ABHD12: variants seen among roughly 807,000 people sequenced by gnomAD.
ABHD12 encodes the protein lysophosphatidylserine lipase ABHD12.
Under a neutral mutation model 58.3 loss-of-function variants are expected in ABHD12, and 43 were observed. That is an observed-to-expected ratio of 0.74 (90% CI 0.58 to 0.95). ABHD12 has a LOEUF of 0.95. ABHD12 is among the 40% of genes least tolerant of loss of function. The pLI is 0.00. For synonymous variants in ABHD12, 219 were observed against 211.2 expected (o/e 1.04, Z -0.32); for missense variants, 539 against 537.2 (o/e 1.00, Z -0.03).
intron 1 of ABHD12, among the ~76,000 whole-genome samples, chr20:25,369,162 G>A (rs1017538382): frequency 6.6e-6 from 1 of 151,990 alleles, no homozygotes; most frequent in Admixed American, 6.6e-5. Flanking sequence ...GTGTGAGGTG[G>A]TATCTCATTG....
At chr20:25,299,194 C>T (rs141214522), downstream of ABHD12, among the ~76,000 whole-genome samples, 857 of 152,254 alleles carry the variant, frequency 5.6e-3, 3 homozygotes, top group Middle Eastern at 0.034. Context: ...CTCAGGAGTT[C>T]GAGACCAGCC....
chr20:25,331,116 T>A (rs896777740), intron 2 of ABHD12, among the ~76,000 whole-genome samples: 2 of 152,064 alleles, frequency 1.3e-5, no homozygotes, highest in African/African-American at 4.8e-5. Flanking sequence ...GAGAAGTGCT[T>A]AAAGGAGCTG....
At position 25,387,586 on chromosome 20, in the gene ABHD12, C is replaced by CT. The variant is rs1468283240; in HGVS notation, c.191+2926dup. On this transcript the variant is annotated intron_variant, in intron 1 of 12. Transcript: ENST00000339157. Reference sequence around the variant, plus strand: ...GGGGCAACATAGTGAGACTTCATCTCTATTAAAAAAAAAAAAAAAAAATTA... The same window carrying CT: ...GGGGCAACATAGTGAGACTTCATCTCTTATTAAAAAAAAAAAAAAAAAATTA... Among the ~76,000 whole-genome samples, 3 of 7,386 alleles carry CT rather than the reference C, an allele frequency of 4.1e-4. No homozygotes were observed. The African/African-American group carries it at 4.6e-3, about 11-fold the overall frequency. The allele number at this position is 7,386 out of a possible 152,430, so 4.8% of individuals were successfully genotyped here. A position where few individuals can be genotyped will look rare whatever the true frequency, so the allele number is the denominator to read the frequency against.
intron 1 of ABHD12, among the ~76,000 whole-genome samples, chr20:25,389,094 C>A (rs1406756422): frequency 6.6e-6 from 1 of 152,194 alleles, no homozygotes; most frequent in Non-Finnish European, 1.5e-5. Context: ...GCGTGAGCCA[C>A]CGCGCCCGGC....
chr20:25,388,566 G>A (rs1222410682), intron 1 of ABHD12, among the ~76,000 whole-genome samples: 3 of 152,120 alleles, frequency 2.0e-5, no homozygotes, highest in Non-Finnish European at 4.4e-5. Flanking sequence ...CAGCTGGGAA[G>A]GAAGACAACC....
intron 1 of ABHD12, among the ~76,000 whole-genome samples, chr20:25,382,941 G>C (rs192723887): frequency 0.022 from 3,205 of 147,912 alleles, 38 homozygotes; most frequent in Non-Finnish European, 0.035. Flanking sequence ...ACCAGTTGAG[G>C]GGGGGGGCCA....
intron 1 of ABHD12, among the ~76,000 whole-genome samples, chr20:25,388,001 T>C (rs1198224279): frequency 2.2e-5 from 3 of 137,954 alleles, no homozygotes; most frequent in East Asian, 2.1e-4. Context: ...AGATTGCCAC[T>C]GCACTCCAGC....
chr20:25,388,214 T>G (rs960972442), intron 1 of ABHD12, among the ~76,000 whole-genome samples: 3 of 152,212 alleles, frequency 2.0e-5, no homozygotes, highest in Non-Finnish European at 4.4e-5. Context: ...GTTTAAAAAA[T>G]GTGCGGAAGG....
At chr20:25,384,141 CAAA>C (rs1385987192) in intron 1 of ABHD12, among the ~76,000 whole-genome samples, 3 of 53,106 alleles carry the variant, frequency 5.6e-5, no homozygotes, top group Admixed American at 1.9e-4. Flanking sequence ...GACTCTGTCT[CAAA>C]AAAAAAAAAA....
chr20:25,356,531 C>A (rs2089670472), intron 1 of ABHD12, among the ~76,000 whole-genome samples: 1 of 152,216 alleles, frequency 6.6e-6, no homozygotes, highest in African/African-American at 2.4e-5. Context: ...GGCAGAGGTG[C>A]CAGCGTTCCC....
chr20:25,390,425 T>TGGGAGGTACC, intron 1 of ABHD12, 88 bp downstream of exon 1: 3 of 1,237,642 alleles, frequency 2.4e-6, no homozygotes, highest in Non-Finnish European at 3.1e-6. Context: ...TGGGAGGGGC[T>TGGGAGGTACC]GGGAGGTACC....
At chr20:25,366,420 A>C (rs1258966336) in intron 1 of ABHD12, among the ~76,000 whole-genome samples, 1 of 151,970 alleles carries the variant, frequency 6.6e-6, no homozygotes, top group Non-Finnish European at 1.5e-5. Flanking sequence ...GCATGTGCCA[A>C]CATGCCTGGC....
Position 25,300,864 on chromosome 20 carries a change from T to TC in ABHD12, c.1177dup (p.Glu393GlyfsTer3). On this transcript the variant is annotated frameshift_variant, in exon 13 of 13. Coordinates refer to ENST00000339157, the MANE Select transcript of ABHD12 (RefSeq NM_001042472.3). LOFTEE classifies it high-confidence loss of function. ...CCAGGCTCAGTGCTGGTGCTCAGGC[T>TC]CCGACTTCCCCAGGAATTCCCTAGA... is the stretch of plus-strand genomic sequence containing the variant. 3 of 1,614,052 alleles carry TC rather than the reference T, an allele frequency of 1.9e-6. No individual in the cohort carries two copies. The highest frequency in any genetic ancestry group is 1.7e-6 in the Non-Finnish European group (2 of 1,179,966).
At position 25,390,621 on chromosome 20, in the gene ABHD12, G is replaced by A. The variant is rs1311195021; in HGVS notation, c.83C>T (p.Ala28Val). 2.7e-6 allele frequency: 4 copies of A among 1,461,230 alleles called. No homozygotes were observed. The highest frequency in any genetic ancestry group is 2.2e-4 in the Middle Eastern group (1 of 4,472). The allele number at this position is 1,461,230 out of a possible 1,614,324, so 90.5% of individuals were successfully genotyped here. ...CAGGCGGCAGTCGGCGTCCAGCGCCGCGGCGGCCGAGCCGGAGGAGGACGA... is the reference window on the plus strand; with the variant it reads ...CAGGCGGCAGTCGGCGTCCAGCGCCACGGCGGCCGAGCCGGAGGAGGACGA... ...AGSSSSGSAA[A>V]ALDADCRLKQ... Residue 28 changes from alanine (A) to valine (V), a missense_variant, in exon 1 of 13, where the codon GCG becomes GTG. Transcript: ENST00000339157.
At position 25,374,201 on chromosome 20, in the gene ABHD12, C is replaced by T. The variant is rs1443653610; in HGVS notation, c.191+16312G>A. Among the ~76,000 whole-genome samples the T allele has an allele frequency of 2.0e-5, 3 of 152,120 alleles. No individual in the cohort carries two copies. The East Asian group carries it at 5.8e-4, about 29-fold the overall frequency. On this transcript the variant is annotated intron_variant, in intron 1 of 12. Transcript: ENST00000339157. ...TTATCCTCCCAAAGTGCTAGGATTA[C>T]AGGTGTGCTGGGATTACACACATGG...
intron 1 of ABHD12, among the ~76,000 whole-genome samples, chr20:25,388,359 G>A (rs1364905730): frequency 6.6e-6 from 1 of 152,158 alleles, no homozygotes; most frequent in Non-Finnish European, 1.5e-5. Flanking sequence ...ATACTTAAGT[G>A]GAGAAAACAA....
chr20:25,343,832 G>A (rs987065409), intron 1 of ABHD12, among the ~76,000 whole-genome samples: 1 of 152,026 alleles, frequency 6.6e-6, no homozygotes, highest in Non-Finnish European at 1.5e-5. Context: ...GAAAACTAAA[G>A]ACCCATATTC....
intron 12 of ABHD12, 103 bp from the exon 13 acceptor site, chr20:25,300,987 A>C: frequency 7.9e-7 from 1 of 1,261,390 alleles, no homozygotes; most frequent in South Asian, 1.3e-5. Context: ...CTGTGCAGAG[A>C]GGAGGCAGCC....
At chr20:25,356,128 C>T (rs565709606) in intron 1 of ABHD12, among the ~76,000 whole-genome samples, 2 of 152,324 alleles carry the variant, frequency 1.3e-5, no homozygotes, top group East Asian at 3.9e-4. Context: ...GAAGGGCATA[C>T]CCTGAGTGTA....
Sources: gnomAD v4.1 joint callset for allele counts (sites outside exome capture counted in the v4.1 genomes callset) on GRCh38, gnomAD v4.1.1 for gene constraint, MANE v1.5 for transcripts, NCBI Gene and HGNC (gene_info 2026-07-23, HGNC 2026-07-21) for gene names.